Variants in PPP1R12C observed in about 807,000 individuals in gnomAD.
PPP1R12C encodes the protein protein phosphatase 1 regulatory subunit 12C.
PPP1R12C carries 48 observed loss-of-function variants against 95.6 expected under a neutral mutation model. The ratio of observed to expected loss-of-function variants is 0.50; its 90% CI spans 0.40 to 0.64. The LOEUF (loss-of-function observed/expected upper bound fraction) is 0.64, where lower values mean the gene tolerates loss of function less well. Among genes scored for constraint, PPP1R12C ranks in the 30% least tolerant of loss-of-function variants. The probability of loss-of-function intolerance (pLI) is 0.00; values close to 1 mark genes in which losing one functional copy is unlikely to be tolerated. For synonymous variants in PPP1R12C, 480 were observed against 460.8 expected (o/e 1.04, Z -0.53); for missense variants, 1,057 against 1,083.3 (o/e 0.98, Z 0.34).
At chr19:55,105,628 C>T (rs1289828738) in intron 3 of PPP1R12C, among the ~76,000 whole-genome samples, 1 of 152,146 alleles carries the variant, frequency 6.6e-6, no homozygotes, top group Admixed American at 6.5e-5. Flanking sequence ...TTTTCATGAT[C>T]CCAAATGGAT....
chr19:55,104,243 A>T (rs2085012527), intron 3 of PPP1R12C, among the ~76,000 whole-genome samples: 1 of 145,430 alleles, frequency 6.9e-6, no homozygotes, highest in African/African-American at 2.5e-5. Flanking sequence ...AAAAATATTT[A>T]TATATATAAT....
intron 21 of PPP1R12C, 28 bp from the exon 22 acceptor site, chr19:55,091,586 AGCCCTGGCGGGTT>A (rs757141388): frequency 6.2e-7 from 1 of 1,611,958 alleles, no homozygotes; most frequent in East Asian, 2.2e-5. Flanking sequence ...TCAGCTGGGC[AGCCCTGGCGGGTT>A]GCACCCCCAC....
Position 55,113,960 on chromosome 19 carries a change from G to A in PPP1R12C, c.322-1165C>T, listed in dbSNP as rs1342815578. ...CAACCCCTCCCCATTCAACCCAGGA[G>A]GCCAGGCCCCAGCCCTTCCGCCCTC... On this transcript the variant is annotated intron_variant, in intron 1 of 21. Coordinates refer to ENST00000263433, the MANE Select transcript of PPP1R12C (RefSeq NM_017607.4). The A allele has an allele frequency of 6.2e-5, 10 of 160,506 alleles. No homozygotes were observed. The South Asian group carries it at 1.2e-3, about 19-fold the overall frequency. 9.9% of individuals were successfully genotyped at this position (160,506 alleles called of 1,614,324 possible). A position where few individuals can be genotyped will look rare whatever the true frequency, so the allele number is the denominator to read the frequency against.
At position 55,091,336 on chromosome 19, in the gene PPP1R12C, C is replaced by A; in HGVS notation, c.*136G>T. The A allele has an allele frequency of 1.1e-6, 1 of 946,476 alleles. No individual in the cohort carries two copies. The highest frequency in any genetic ancestry group is 1.6e-6 in the Non-Finnish European group (1 of 634,930). 58.6% of individuals were successfully genotyped at this position (946,476 alleles called of 1,614,324 possible). A position where few individuals can be genotyped will look rare whatever the true frequency, so the allele number is the denominator to read the frequency against. On this transcript the variant is annotated 3_prime_UTR_variant, in exon 22 of 22. Transcript: ENST00000263433. ...GCTCCTGGGGACTCTGCTCCCCTCC[C>A]AGTCCGGAGGTCCCAGGGGGGCTAT...
chr19:55,114,911 G>T (rs2085137519), intron 1 of PPP1R12C: 1 of 152,378 alleles, frequency 6.6e-6, no homozygotes. Flanking sequence ...GGATGCAGGG[G>T]AACGGGGCTC....
At chr19:55,099,607 G>A (rs2084959990) in intron 4 of PPP1R12C, among the ~76,000 whole-genome samples, 1 of 152,164 alleles carries the variant, frequency 6.6e-6, no homozygotes, top group African/African-American at 2.4e-5. Flanking sequence ...CATAACTTAG[G>A]GCAAGGGTTA....
chr19:55,096,214 CGGG>C, intron 7 of PPP1R12C, 36 bp from the exon 8 acceptor site: 1 of 1,613,236 alleles, frequency 6.2e-7, no homozygotes, highest in East Asian at 2.2e-5. Flanking sequence ...GGTACAAGCC[CGGG>C]GCCTCCAGCC....
At chr19:55,101,805 G>A (rs2084982646) in intron 4 of PPP1R12C, among the ~76,000 whole-genome samples, 1 of 152,156 alleles carries the variant, frequency 6.6e-6, no homozygotes, top group African/African-American at 2.4e-5. Context: ...TGAGGTCCAG[G>A]GGCTCTGCTT....
chr19:55,091,421 C>A lies in PPP1R12C; in HGVS notation c.*51G>T, dbSNP rs367675451. The stretch of plus-strand genomic sequence containing the variant: ...TCGTGTTCACACGGGGGAAGGGGTG[C>A]GTGTGGCAGAAGCAGCTGTATAAAT... On this transcript the variant is annotated 3_prime_UTR_variant, in exon 22 of 22. Coordinates refer to ENST00000263433, the MANE Select transcript of PPP1R12C (RefSeq NM_017607.4). 2.0e-6 allele frequency: 3 copies of A among 1,527,444 alleles called. No individual in the cohort carries two copies. Among genetic ancestry groups the A allele is most frequent in the South Asian group, 2.3e-5 (2 of 87,304 alleles). 94.6% of individuals were successfully genotyped at this position (1,527,444 alleles called of 1,614,324 possible).
intron 3 of PPP1R12C, among the ~76,000 whole-genome samples, chr19:55,104,268 T>C (rs568066256): frequency 1.4e-5 from 2 of 145,138 alleles, no homozygotes; most frequent in South Asian, 4.3e-4. Context: ...ATATAACATA[T>C]ATATGCATCT....
In PPP1R12C at chr19:55,091,407, C is replaced by T. The variant is rs993255181; in HGVS notation, c.*65G>A. On this transcript the variant is annotated 3_prime_UTR_variant, in exon 22 of 22. Coordinates refer to ENST00000263433, the MANE Select transcript of PPP1R12C (RefSeq NM_017607.4). Reference sequence around the variant, plus strand: ...CGGAGCCCTGTCACTCGTGTTCACACGGGGGAAGGGGTGCGTGTGGCAGAA... The same window carrying T: ...CGGAGCCCTGTCACTCGTGTTCACATGGGGGAAGGGGTGCGTGTGGCAGAA... 36 of 1,478,166 alleles carry T rather than the reference C, an allele frequency of 2.4e-5. No individual in the cohort carries two copies. Among genetic ancestry groups the T allele is most frequent in the African/African-American group, 5.6e-5 (4 of 71,832 alleles). 91.6% of individuals were successfully genotyped at this position (1,478,166 alleles called of 1,614,324 possible). A position where few individuals can be genotyped will look rare whatever the true frequency, so the allele number is the denominator to read the frequency against.
rs146764513 is a variant in PPP1R12C at position 55,092,299 on chromosome 19, C to G, written c.2083G>C (p.Glu695Gln). ...TCGGTCAGGGCCTCGCGAAGCCGCT[C>G]GTTCTCCCTGCGCAGCTCTGCATAC... Reference protein sequence around the residue: ...TLYAELRRENERLREALTETT... With the variant: ...TLYAELRRENQRLREALTETT... The change falls in exon 19 of 22, where the codon GAG becomes CAG. Residue 695 changes from glutamate (E) to glutamine (Q), a missense_variant. By Grantham distance (29) the Glu-to-Gln change is conservative. Around this residue, in one of 5 missense-constraint regions of PPP1R12C, gnomAD observed 347 missense variants for 307.9 expected, o/e 1.13. Coordinates refer to ENST00000263433, the MANE Select transcript of PPP1R12C (RefSeq NM_017607.4). The G allele has an allele frequency of 1.2e-6, 2 of 1,600,722 alleles. No homozygotes were observed. The highest frequency in any genetic ancestry group is 1.7e-5 in the Admixed American group (1 of 58,610).
chr19:55,095,661 G>A, intron 9 of PPP1R12C, 58 bp from the exon 10 acceptor site: 1 of 1,509,592 alleles, frequency 6.6e-7, no homozygotes, highest in Non-Finnish European at 8.9e-7. Flanking sequence ...CAGACCTCAA[G>A]GGTTAGCCCC....
chr19:55,094,971 G>C, intron 11 of PPP1R12C, 173 bp from the exon 12 acceptor site: 6 of 798,480 alleles, frequency 7.5e-6, no homozygotes, highest in Non-Finnish European at 1.2e-5. Flanking sequence ...TACGCAACCG[G>C]TCAGAAGGAT....
At chr19:55,100,040 GC>G (rs1053718360) in intron 4 of PPP1R12C, among the ~76,000 whole-genome samples, 15 of 152,178 alleles carry the variant, frequency 9.9e-5, no homozygotes, top group African/African-American at 3.6e-4. Context: ...AGCTCACCCT[GC>G]CCCAGCTGTG....
intron 3 of PPP1R12C, among the ~76,000 whole-genome samples, chr19:55,105,964 C>A (rs2085033949): frequency 6.6e-6 from 1 of 151,722 alleles, no homozygotes; most frequent in Non-Finnish European, 1.5e-5. Flanking sequence ...AAAGTCACTT[C>A]TCAGACCTCC....
chr19:55,091,994 C>T, intron 19 of PPP1R12C, 85 bp from the exon 20 acceptor site: 2 of 1,528,984 alleles, frequency 1.3e-6, no homozygotes, highest in Middle Eastern at 1.7e-4. Context: ...GGGCACCCGC[C>T]CGCCCACTAG....
chr19:55,113,118 C>T (rs1317285738), intron 1 of PPP1R12C: 17 of 511,618 alleles, frequency 3.3e-5, no homozygotes, highest in East Asian at 6.0e-5. Context: ...GCAAAACCCC[C>T]GTCACCACCC....
In PPP1R12C at chr19:55,091,540, C is replaced by A; in HGVS notation, c.2281G>T (p.Ala761Ser). The A allele has an allele frequency of 6.2e-7, 1 of 1,613,794 alleles. No homozygotes were observed. The highest frequency in any genetic ancestry group is 8.5e-7 in the Non-Finnish European group (1 of 1,179,948). ...TCATCCTTGAGGCGCTGGTTGTCAG[C>A]GCGGAGGTCAGACAGGGCCTGGGGG... Reference protein sequence around the residue: ...EELKALSDLRADNQRLKDENA... With the variant: ...EELKALSDLRSDNQRLKDENA... Residue 761 changes from alanine to serine, a missense_variant, in exon 22 of 22, where the codon GCT becomes TCT. Physicochemically the swap from Ala to Ser is moderately conservative, Grantham distance 99. This residue lies in a region of PPP1R12C where 347 missense variants were observed against 307.9 expected (regional missense o/e 1.13). Coordinates refer to ENST00000263433, the MANE Select transcript of PPP1R12C (RefSeq NM_017607.4).
Sources: allele counts gnomAD v4.1 joint callset (sites outside exome capture counted in the v4.1 genomes callset), GRCh38; gene constraint gnomAD v4.1.1; regional missense constraint gnomAD v4.1.1; transcripts MANE v1.5; gene names NCBI Gene and HGNC (gene_info 2026-07-23, HGNC 2026-07-21).